Variants in AHSA1 observed in about 807,000 individuals in gnomAD.
AHSA1 encodes activator of 90 kDa heat shock protein ATPase homolog 1.
AHSA1 carries 14 observed loss-of-function variants against 46.1 expected under a neutral mutation model. The observed-to-expected ratio is 0.30, with a 90% confidence interval of 0.20 to 0.47. AHSA1 has a LOEUF of 0.47. AHSA1 is among the 20% of genes least tolerant of loss of function. The probability of loss-of-function intolerance (pLI) is 0.99; values close to 1 mark genes in which losing one functional copy is unlikely to be tolerated. For missense variants in AHSA1, 333 were observed against 415.9 expected (o/e 0.80, Z 1.73); for synonymous variants, 147 against 145.8 (o/e 1.01, Z -0.06).
chr14:77,466,978 C>T (rs560573330), intron 6 of AHSA1, among the ~76,000 whole-genome samples: 3 of 152,296 alleles, frequency 2.0e-5, no homozygotes, highest in African/African-American at 7.2e-5. Flanking sequence ...ACATTTTTAA[C>T]CTTCTGTTTA....
At chr14:77,467,972 T>C in intron 6 of AHSA1, 111 bp from the exon 7 acceptor site, 2 of 723,268 alleles carry the variant, frequency 2.8e-6, no homozygotes, top group South Asian at 4.1e-5. Context: ...GGCAGACTGG[T>C]GGAAATGAGA....
In AHSA1 at chr14:77,459,636, A is replaced by T; in HGVS notation, c.101A>T (p.Asn34Ile). 1 of 1,614,190 alleles carries T rather than the reference A, an allele frequency of 6.2e-7. No individual in the cohort carries two copies. The highest frequency in any genetic ancestry group is 2.2e-5 in the East Asian group (1 of 44,878). The change falls in exon 2 of 9, where the codon AAT (asparagine) becomes ATT (isoleucine). Residue 34 changes from asparagine (N) to isoleucine (I), a missense_variant. Coordinates refer to ENST00000216479, the MANE Select transcript of AHSA1 (RefSeq NM_012111.3). ...NWHWTERDAS[N>I]WSTDKLKTLF... ...TGCAGGACGGAGAGAGATGCTTCAA[A>T]TTGGTCCACGGATAAGCTGAAAACA... is the stretch of plus-strand genomic sequence containing the variant.
Position 77,458,151 on chromosome 14 carries a change from G to A in AHSA1, c.-39G>A. On this transcript the variant is annotated 5_prime_UTR_variant, in exon 1 of 9. Transcript: ENST00000216479. ...TAAGCGGTCCTGAGGCTGTGGCTAC[G>A]GCTGCTCCGGAGCTGGTGGCGCCGC... The A allele has an allele frequency of 6.6e-7, 1 of 1,505,930 alleles. No homozygotes were observed. The highest frequency in any genetic ancestry group is 8.9e-7 in the Non-Finnish European group (1 of 1,128,448). The allele number at this position is 1,505,930 out of a possible 1,614,324, so 93.3% of individuals were successfully genotyped here.
chr14:77,460,569 CTCCT>C (rs2079017645), intron 2 of AHSA1, among the ~76,000 whole-genome samples: 1 of 34,382 alleles, frequency 2.9e-5, no homozygotes, highest in Non-Finnish European at 7.3e-5. Context: ...TTGCTCAGAC[CTCCT>C]TTTTTTTTTT....
At chr14:77,468,413 A>G (rs1474280837) in intron 7 of AHSA1, 44 bp from the exon 8 acceptor site, 3 of 1,545,866 alleles carry the variant, frequency 1.9e-6, no homozygotes, top group African/African-American at 2.7e-5. Context: ...AGGATTGGGT[A>G]CATTGTAGTA....
intron 4 of AHSA1, among the ~76,000 whole-genome samples, chr14:77,463,473 C>T (rs1243962779): frequency 6.6e-6 from 1 of 151,366 alleles, no homozygotes. Context: ...GTAATCCCAG[C>T]TACTCAAGAG....
In AHSA1 at chr14:77,459,604, T is replaced by G. The variant is rs1323532267; in HGVS notation, c.81-12T>G. On this transcript the variant is annotated splice_polypyrimidine_tract_variant and intron_variant, in intron 1 of 8. Transcript: ENST00000216479. ...TTGACTGCTGGTTCATAGCTCTGTT[T>G]CTGCTTTGCAGGACGGAGAGAGATG... The G allele has an allele frequency of 6.8e-6, 11 of 1,613,946 alleles. No individual in the cohort carries two copies. The highest frequency in any genetic ancestry group is 8.5e-6 in the Non-Finnish European group (10 of 1,179,910).
At chr14:77,463,592 AAAAAAAAC>A (rs910699285) in intron 4 of AHSA1, among the ~76,000 whole-genome samples, 6 of 143,060 alleles carry the variant, frequency 4.2e-5, no homozygotes, top group African/African-American at 7.4e-5. Flanking sequence ...TCTCAAAAAA[AAAAAAAAC>A]AAAAAAAAAA....
At chr14:77,459,568 G>A (rs759600227) in intron 1 of AHSA1, 48 bp from the exon 2 acceptor site, 3 of 1,588,214 alleles carry the variant, frequency 1.9e-6, no homozygotes, top group Non-Finnish European at 2.6e-6. Context: ...ATAGAGCAGC[G>A]TATCCTCCGT....
intron 2 of AHSA1, among the ~76,000 whole-genome samples, chr14:77,461,655 A>T (rs570789068): frequency 6.6e-6 from 1 of 152,194 alleles, no homozygotes; most frequent in Non-Finnish European, 1.5e-5. Flanking sequence ...CTCACAACAC[A>T]CGCTGTAAAC....
intron 4 of AHSA1, 55 bp from the exon 5 acceptor site, chr14:77,464,543 C>G (rs1332809696): frequency 6.9e-7 from 1 of 1,457,654 alleles, no homozygotes; most frequent in African/African-American, 1.4e-5. Context: ...TAATGAAACT[C>G]CAGATCTCAG....
chr14:77,462,276 T>G (rs1459792876), intron 3 of AHSA1, 34 bp downstream of exon 3: 1 of 1,561,274 alleles, frequency 6.4e-7, no homozygotes, highest in Non-Finnish European at 8.8e-7. Context: ...CCGAGTCCTC[T>G]ATATCCTCTT....
At chr14:77,465,460 G>A in intron 5 of AHSA1, 79 bp from the exon 6 acceptor site, 1 of 1,501,134 alleles carries the variant, frequency 6.7e-7, no homozygotes, top group South Asian at 1.2e-5. Context: ...AGAATGAATG[G>A]TACAACTGTC....
At chr14:77,465,741 C>T (rs1049725886) in intron 6 of AHSA1, 74 bp downstream of exon 6, 67 of 1,513,506 alleles carry the variant, frequency 4.4e-5, no homozygotes, top group Non-Finnish European at 5.9e-5. Context: ...CATATCCCTT[C>T]AGCAGTGTAC....
At position 77,469,360 on chromosome 14, in the gene AHSA1, G is replaced by A; in HGVS notation, c.*111G>A. The A allele has an allele frequency of 2.1e-6, 3 of 1,396,668 alleles. No homozygotes were observed. The highest frequency in any genetic ancestry group is 2.9e-6 in the Non-Finnish European group (3 of 1,032,156). 86.5% of individuals were successfully genotyped at this position (1,396,668 alleles called of 1,614,324 possible). A position where few individuals can be genotyped will look rare whatever the true frequency, so the allele number is the denominator to read the frequency against. On this transcript the variant is annotated 3_prime_UTR_variant, in exon 9 of 9. Transcript: ENST00000216479. The stretch of plus-strand genomic sequence containing the variant: ...TCCCAGCTGCTAACTTGGGGCCGGG[G>A]CCCCTCCCTTCCACATATACCTTGG...
In AHSA1 at chr14:77,465,619, C is replaced by T. The variant is rs1401550353; in HGVS notation, c.642C>T (p.Thr214=). ...IPTCKITLKE[T]FLTSPEELYR... Reference sequence around the variant, plus strand: ...CTTGTAAGATCACTCTTAAGGAAACCTTCCTGACGTCACCAGAGGAGCTCT... The same window carrying T: ...CTTGTAAGATCACTCTTAAGGAAACTTTCCTGACGTCACCAGAGGAGCTCT... Residue 214 remains threonine (T), a synonymous_variant, in exon 6 of 9, where the codon ACC becomes ACT. Transcript: ENST00000216479. The T allele has an allele frequency of 6.2e-7, 1 of 1,613,994 alleles. No homozygotes were observed. Among genetic ancestry groups the T allele is most frequent in the Non-Finnish European group, 8.5e-7 (1 of 1,179,856 alleles).
intron 6 of AHSA1, among the ~76,000 whole-genome samples, chr14:77,467,720 A>C (rs2079053722): frequency 6.8e-6 from 1 of 146,504 alleles, no homozygotes. Context: ...AAATAAAATA[A>C]AAGATGGAAT....
chr14:77,468,558 T>C (rs781336300), intron 8 of AHSA1, 50 bp downstream of exon 8: 14 of 1,483,868 alleles, frequency 9.4e-6, no homozygotes, highest in Non-Finnish European at 1.2e-5. Flanking sequence ...TTCTCTTTGC[T>C]GTAATTTTTT....
At chr14:77,459,349 C>T (rs914771710) in intron 1 of AHSA1, among the ~76,000 whole-genome samples, 2 of 152,162 alleles carry the variant, frequency 1.3e-5, no homozygotes, top group Non-Finnish European at 2.9e-5. Flanking sequence ...ATCAAGTATT[C>T]CCCCGCACCA....
Sources: allele counts gnomAD v4.1 joint callset (sites outside exome capture counted in the v4.1 genomes callset), GRCh38; gene constraint gnomAD v4.1.1; transcripts MANE v1.5; gene names NCBI Gene and HGNC (gene_info 2026-07-23, HGNC 2026-07-21).